KDM4C: variants seen among roughly 807,000 people sequenced by gnomAD.
KDM4C encodes the protein lysine demethylase 4C, also known as lysine-specific demethylase 4C.
In KDM4C, 81 loss-of-function variants were observed where a neutral mutation model predicts 129.3. The ratio of observed to expected loss-of-function variants is 0.63; its 90% CI spans 0.52 to 0.75. KDM4C has a LOEUF of 0.75. KDM4C is among the 30% of genes least tolerant of loss of function. The probability of loss-of-function intolerance (pLI) is 0.00; values close to 1 mark genes in which losing one functional copy is unlikely to be tolerated. For synonymous variants in KDM4C, 573 were observed against 456.1 expected, an observed-to-expected ratio of 1.26 and a Z score of -3.26; for missense variants, 1,457 against 1,304.0, an observed-to-expected ratio of 1.12 and a Z score of -1.81.
At chr9:6,916,906 G>T (rs1391248268) in intron 8 of KDM4C, among the ~76,000 whole-genome samples, 1 of 152,190 alleles carries the variant, frequency 6.6e-6, no homozygotes, top group Admixed American at 6.5e-5. Context: ...AATGTTTGTA[G>T]ATTAGAGTAG....
intron 7 of KDM4C, among the ~76,000 whole-genome samples, chr9:6,891,351 A>G (rs1473060801): frequency 6.6e-6 from 1 of 152,266 alleles, no homozygotes; most frequent in Non-Finnish European, 1.5e-5. Flanking sequence ...GTACTGGCAC[A>G]TGCTACAACC....
intron 1 of KDM4C, among the ~76,000 whole-genome samples, chr9:6,741,013 T>C (rs945093101): frequency 4.0e-5 from 6 of 151,772 alleles, no homozygotes; most frequent in Non-Finnish European, 8.8e-5. Context: ...TTAGTAGAGA[T>C]AGGGTTTCAC....
intron 15 of KDM4C, among the ~76,000 whole-genome samples, chr9:7,046,149 T>C (rs1363194937): frequency 6.6e-6 from 1 of 152,012 alleles, no homozygotes; most frequent in Non-Finnish European, 1.5e-5. Flanking sequence ...GAGAAATAAC[T>C]AATAAAATCT....
Position 7,175,415 on chromosome 9 carries a change from A to G in KDM4C, c.*686A>G, listed in dbSNP as rs1472697416. 2.0e-5 allele frequency: 3 copies of G among 152,608 alleles called. No individual in the cohort carries two copies. The highest frequency in any genetic ancestry group is 4.4e-5 in the Non-Finnish European group (3 of 68,006). The allele number at this position is 152,608 out of a possible 1,614,324, so 9.5% of individuals were successfully genotyped here. A position where few individuals can be genotyped will look rare whatever the true frequency, so the allele number is the denominator to read the frequency against. On this transcript the variant is annotated 3_prime_UTR_variant, in exon 22 of 22. Transcript: ENST00000381309. ...TCTTATGAATTGTTATGCGAATTTT[A>G]TATATTTAAAGAGGGAGATCTGGGG...
At chr9:6,767,809 G>T (rs984603483) in intron 1 of KDM4C, among the ~76,000 whole-genome samples, 2 of 152,032 alleles carry the variant, frequency 1.3e-5, no homozygotes, top group Non-Finnish European at 2.9e-5. Flanking sequence ...TAAAATTTGG[G>T]CACATAAAGT....
chr9:6,805,909 T>G lies in KDM4C; in HGVS notation c.320+135T>G, dbSNP rs1015245776. The G allele has an allele frequency of 5.8e-6, 4 of 686,092 alleles. No homozygotes were observed. In the African/African-American group the frequency reaches 7.3e-5, roughly 12 times the overall value. 42.5% of individuals were successfully genotyped at this position (686,092 alleles called of 1,614,324 possible). A position where few individuals can be genotyped will look rare whatever the true frequency, so the allele number is the denominator to read the frequency against. ...CAATTTTTCACCCTTCATTGAACTG[T>G]TTCTGTTTTCTGTTCTTTAGGTGGT... On this transcript the variant is annotated intron_variant, in intron 3 of 21. Coordinates refer to ENST00000381309, the MANE Select transcript of KDM4C (RefSeq NM_015061.6).
chr9:6,752,856 A>G (rs1357953677), upstream of KDM4C, among the ~76,000 whole-genome samples: 1 of 152,174 alleles, frequency 6.6e-6, no homozygotes, highest in Non-Finnish European at 1.5e-5. Context: ...GTGTTCCTCA[A>G]TGAAGATATC....
rs57999664 is a variant in KDM4C, at chr9:6,749,986, CAAAAAAAA to C, written c.49+29009_49+29016del. ...GGGCAACAACAGTGAAACTCCTTCT[CAAAAAAAA>C]AAAAAAAAAAAAAAAAAAAGAGTAA... On this transcript the variant is annotated intron_variant, in intron 1 of 17. Transcript: ENST00000536108. 2.4e-3 allele frequency among the ~76,000 whole-genome samples: 135 copies of C among 55,602 alleles called. 2 individuals are homozygous for C. The highest frequency in any genetic ancestry group is 5.6e-3 in the African/African-American group (104 of 18,580). The allele number at this position is 55,602 out of a possible 152,430, so 36.5% of individuals were successfully genotyped here.
chr9:7,173,403 C>A (rs1240838083), intron 21 of KDM4C, among the ~76,000 whole-genome samples: 1 of 152,180 alleles, frequency 6.6e-6, no homozygotes, highest in African/African-American at 2.4e-5. Context: ...TAGGTCTAGC[C>A]TGGGGAGTGG....
At chr9:7,033,185 C>CCT (rs112569893) in intron 15 of KDM4C, among the ~76,000 whole-genome samples, 2,108 of 150,734 alleles carry the variant, frequency 0.014, 50 homozygotes, top group African/African-American at 0.048. Flanking sequence ...CTGTCAAGAC[C>CCT]AGGTGATGAG....
intron 5 of KDM4C, among the ~76,000 whole-genome samples, chr9:6,876,005 A>AACAT (rs1843491639): frequency 6.6e-6 from 1 of 152,106 alleles, no homozygotes; most frequent in Non-Finnish European, 1.5e-5. Flanking sequence ...AGAGAAAGAG[A>AACAT]ACATAGGGCC....
chr9:6,940,236 A>C (rs926133358), intron 8 of KDM4C, among the ~76,000 whole-genome samples: 2 of 152,080 alleles, frequency 1.3e-5, no homozygotes, highest in African/African-American at 4.8e-5. Context: ...GACTACAGGC[A>C]TGTGCCATCA....
At position 6,986,545 on chromosome 9, in the gene KDM4C, A is replaced by G; in HGVS notation, c.1556A>G (p.Glu519Gly). 1 of 1,614,134 alleles carries G rather than the reference A, an allele frequency of 6.2e-7. No homozygotes were observed. The highest frequency in any genetic ancestry group is 8.5e-7 in the Non-Finnish European group (1 of 1,180,012). The stretch of plus-strand genomic sequence containing the variant: ...CCTGAGTCATGCTCATCAGTGGCAG[A>G]GAGTAATGGTGTGTTAACAGAGGGA... ...KSPESCSSVA[E>G]SNGVLTEGEE... Residue 519 changes from glutamate to glycine, a missense_variant, in exon 11 of 22, where the codon GAG (glutamate) becomes GGG (glycine). By Grantham distance (98) the Glu-to-Gly change is moderately conservative. Transcript: ENST00000381309.
intron 5 of KDM4C, among the ~76,000 whole-genome samples, chr9:6,874,256 T>C (rs1363691915): frequency 6.6e-6 from 1 of 152,238 alleles, no homozygotes; most frequent in African/African-American, 2.4e-5. Flanking sequence ...ATGCAGCATC[T>C]TTAAAGCACA....
intron 15 of KDM4C, among the ~76,000 whole-genome samples, chr9:7,033,244 T>C (rs1442469499): frequency 6.6e-6 from 1 of 151,902 alleles, no homozygotes; most frequent in Non-Finnish European, 1.5e-5. Context: ...AAAGTAAAAC[T>C]AGTGGAAAAA....
intron 8 of KDM4C, among the ~76,000 whole-genome samples, chr9:6,908,530 C>G (rs918629977): frequency 1.3e-5 from 2 of 152,098 alleles, no homozygotes; most frequent in Non-Finnish European, 2.9e-5. Flanking sequence ...AAGGACCCCA[C>G]CTGGCCCAAC....
At chr9:7,169,397 G>A (rs1844732122) in intron 20 of KDM4C, among the ~76,000 whole-genome samples, 1 of 152,170 alleles carries the variant, frequency 6.6e-6, no homozygotes, top group African/African-American at 2.4e-5. Context: ...GTGCAGTGGT[G>A]CGATCTCAGC....
intron 21 of KDM4C, chr9:7,170,184 C>G: frequency 4.8e-6 from 6 of 1,256,222 alleles, no homozygotes; most frequent in Non-Finnish European, 5.1e-6. Flanking sequence ...GTGTAAAACA[C>G]CAGGAGCAAA....
chr9:6,936,769 C>G (rs1389815810), intron 8 of KDM4C, among the ~76,000 whole-genome samples: 2 of 152,154 alleles, frequency 1.3e-5, no homozygotes, highest in East Asian at 1.9e-4. Context: ...GTTGGTAACT[C>G]CCATTTTTGC....
Sources: allele counts gnomAD v4.1 joint callset (sites outside exome capture counted in the v4.1 genomes callset), GRCh38; gene constraint gnomAD v4.1.1; transcripts MANE v1.5; gene names NCBI Gene and HGNC (gene_info 2026-07-23, HGNC 2026-07-21).